Variants in PTPRQ observed in about 807,000 individuals in gnomAD.
PTPRQ encodes protein tyrosine phosphatase receptor type Q.
Under a neutral mutation model 246.0 loss-of-function variants are expected in PTPRQ, and 199 were observed. That is an observed-to-expected ratio of 0.81 (90% CI 0.72 to 0.91). The LOEUF (loss-of-function observed/expected upper bound fraction) is 0.91. Among genes scored for constraint, PTPRQ ranks in the 40% least tolerant of loss-of-function variants. The pLI is 0.00. For missense variants in PTPRQ, 2,624 were observed against 2,528.4 expected (o/e 1.04, Z -0.81); for synonymous variants, 869 against 853.2 (o/e 1.02, Z -0.32).
chr12:80,630,050 T>G (rs1899365825), intron 33 of PTPRQ, among the ~76,000 whole-genome samples: 1 of 152,196 alleles, frequency 6.6e-6, no homozygotes, highest in Non-Finnish European at 1.5e-5. Context: ...TTTATTATAT[T>G]GCTGTGATTA....
Position 80,610,577 on chromosome 12 carries a change from G to T in PTPRQ, c.4870G>T (p.Val1624Leu), listed in dbSNP as rs146199719. ...AFTGNISAAY[V>L]EGKSSAEMIV... ...TACTGGGAACATTAGTGCTGCATAT[G>T]TAGAAGGGAAGTCAAGTGCTGAAAT... The change falls in exon 28 of 45, where the codon GTA (valine) becomes TTA (leucine). Residue 1624 changes from valine (V) to leucine (L), a missense_variant. Transcript: ENST00000644991. 1.2e-3 allele frequency: 1,829 copies of T among 1,543,730 alleles called. 18 individuals are homozygous for T. The African/African-American group carries it at 0.022, about 19-fold the overall frequency.
At chr12:80,545,008 T>C (rs1014006747) in intron 23 of PTPRQ, among the ~76,000 whole-genome samples, 2 of 152,122 alleles carry the variant, frequency 1.3e-5, no homozygotes, top group African/African-American at 2.4e-5. Flanking sequence ...CACTCATGTT[T>C]CTCTTTTTGA....
At chr12:80,462,033 G>T (rs1002667341) in intron 6 of PTPRQ, 9 of 700,402 alleles carry the variant, frequency 1.3e-5, no homozygotes, top group Non-Finnish European at 2.3e-5. Context: ...CGTGCAGTGC[G>T]CCGTGAGAGA....
Position 80,679,560 on chromosome 12 carries a change from C to A in PTPRQ, c.*537C>A, listed in dbSNP as rs1211661399. 1 of 152,052 alleles carries A rather than the reference C, an allele frequency of 6.6e-6. No homozygotes were observed. The highest frequency in any genetic ancestry group is 3.1e-3 in the Middle Eastern group (1 of 318). 9.4% of individuals were successfully genotyped at this position (152,052 alleles called of 1,614,324 possible). ...GATCCCGAACAGCTGAACAGTAACC[C>A]CCTGACACTGCAGGGATTACTTGGC... On this transcript the variant is annotated 3_prime_UTR_variant, in exon 45 of 45. Coordinates refer to ENST00000644991, the MANE Select transcript of PTPRQ (RefSeq NM_001145026.2).
At chr12:80,669,270 A>G in intron 40 of PTPRQ, 69 bp from the exon 41 acceptor site, 3 of 1,531,186 alleles carry the variant, frequency 2.0e-6, no homozygotes, top group South Asian at 2.5e-5. Context: ...CTTAGTCGTA[A>G]TAACTGTGGT....
At chr12:80,477,979 G>C (rs1369571309) in intron 8 of PTPRQ, among the ~76,000 whole-genome samples, 1 of 152,248 alleles carries the variant, frequency 6.6e-6, no homozygotes, top group Non-Finnish European at 1.5e-5. Flanking sequence ...GCCCAGGCTT[G>C]CTTAGGTAAA....
chr12:80,672,096 C>T (rs1900987746), intron 42 of PTPRQ, among the ~76,000 whole-genome samples: 2 of 151,710 alleles, frequency 1.3e-5, no homozygotes, highest in Admixed American at 1.3e-4. Context: ...CCTACCCTAT[C>T]ACCCTCTATC....
chr12:80,556,056 C>T (rs1389494970), intron 25 of PTPRQ, among the ~76,000 whole-genome samples: 1 of 151,956 alleles, frequency 6.6e-6, no homozygotes, highest in African/African-American at 2.4e-5. Flanking sequence ...GAGACAGAGT[C>T]TTGCTCTGTT....
chr12:80,554,940 G>A (rs1243819675), intron 25 of PTPRQ, among the ~76,000 whole-genome samples: 1 of 151,982 alleles, frequency 6.6e-6, no homozygotes, highest in South Asian at 2.1e-4. Context: ...TTGAGACAGG[G>A]TCTCATTCTC....
At chr12:80,522,310 A>C (rs2120759835) in intron 17 of PTPRQ, among the ~76,000 whole-genome samples, 1 of 152,334 alleles carries the variant, frequency 6.6e-6, no homozygotes, top group East Asian at 1.9e-4. Flanking sequence ...ATCTGCAAAC[A>C]GGGACAATTT....
In PTPRQ at chr12:80,546,559, A is replaced by G. The variant is rs1310686561; in HGVS notation, c.3877A>G (p.Ile1293Val). The change falls in exon 24 of 45, where the codon ATA (isoleucine) becomes GTA (valine). Residue 1293 changes from isoleucine (I) to valine (V), a missense_variant. By Grantham distance (29) the Ile-to-Val change is conservative (BLOSUM62 3). Transcript: ENST00000644991. ...TAACTTTTTTTCTGTTTTTCAGAAT[A>G]TATCAGGATTTAAAACTGAAGCCAA... is the stretch of plus-strand genomic sequence containing the variant. ...HETDTIYYKN[I>V]SGFKTEAKLV... The G allele has an allele frequency of 1.9e-6, 3 of 1,545,474 alleles. No homozygotes were observed. Among genetic ancestry groups the G allele is most frequent in the South Asian group, 2.4e-5 (2 of 81,796 alleles).
intron 25 of PTPRQ, among the ~76,000 whole-genome samples, chr12:80,573,644 A>G (rs1897209398): frequency 6.6e-6 from 1 of 152,194 alleles, no homozygotes; most frequent in African/African-American, 2.4e-5. Context: ...AAACTTGACC[A>G]TTTTATTTAA....
At chr12:80,644,600 C>A (rs1281715316) in intron 35 of PTPRQ, among the ~76,000 whole-genome samples, 3 of 152,048 alleles carry the variant, frequency 2.0e-5, no homozygotes, top group African/African-American at 7.2e-5. Context: ...ACATCAATTT[C>A]TGTGAGTTTC....
At chr12:80,616,305 T>A (rs1206617238) in intron 30 of PTPRQ, 39 bp downstream of exon 30, 5 of 1,434,318 alleles carry the variant, frequency 3.5e-6, no homozygotes. Context: ...ATGCTATTAA[T>A]CAGTGATTAT....
intron 37 of PTPRQ, among the ~76,000 whole-genome samples, chr12:80,651,379 G>GTT (rs1199081809): frequency 6.6e-6 from 1 of 152,004 alleles, no homozygotes; most frequent in Non-Finnish European, 1.5e-5. Flanking sequence ...CCAGAAAAGA[G>GTT]TTTATAAAAA....
Position 80,649,569 on chromosome 12 carries a change from T to TA in PTPRQ, c.5943-18dup. The stretch of plus-strand genomic sequence containing the variant: ...TACAATCTAACATGACCCTATTTTA[T>TA]ACCTTTCTTTACTTGGAGGCCAATA... On this transcript the variant is annotated intron_variant, in intron 36 of 44. Transcript: ENST00000644991. 6.5e-7 allele frequency: 1 copy of TA among 1,549,808 alleles called. No individual in the cohort carries two copies. Among genetic ancestry groups the TA allele is most frequent in the South Asian group, 1.2e-5 (1 of 83,868 alleles).
At chr12:80,463,768 A>T (rs1893293206) in intron 6 of PTPRQ, among the ~76,000 whole-genome samples, 1 of 151,300 alleles carries the variant, frequency 6.6e-6, no homozygotes. Flanking sequence ...AGCCAAACTA[A>T]GCTTCATAAG....
At chr12:80,483,486 C>A (rs544993135) in intron 8 of PTPRQ, among the ~76,000 whole-genome samples, 5 of 150,788 alleles carry the variant, frequency 3.3e-5, no homozygotes, top group African/African-American at 1.2e-4. Context: ...TGTAACTAAC[C>A]TGCACAATGT....
At chr12:80,572,449 A>C (rs567743077) in intron 25 of PTPRQ, among the ~76,000 whole-genome samples, 70 of 152,210 alleles carry the variant, frequency 4.6e-4, no homozygotes, top group African/African-American at 1.6e-3. Context: ...GTGTCTTCTA[A>C]AATTAAAAGT....
Sources: allele counts gnomAD v4.1 joint callset (sites outside exome capture counted in the v4.1 genomes callset), GRCh38; gene constraint gnomAD v4.1.1; transcripts MANE v1.5; gene names NCBI Gene and HGNC (gene_info 2026-07-23, HGNC 2026-07-21).